Variants in ALDH3A1 observed in about 807,000 individuals in gnomAD.
ALDH3A1 encodes aldehyde dehydrogenase 3 family member A1.
ALDH3A1 carries 46 observed loss-of-function variants against 49.9 expected under a neutral mutation model. The observed-to-expected ratio is 0.92, with a 90% CI of 0.73 to 1.18. The LOEUF is 1.18. ALDH3A1 is among the 50% of genes most tolerant of loss of function. ALDH3A1 has a pLI of 0.00. For missense variants in ALDH3A1, 592 were observed against 611.8 expected (o/e 0.97, Z 0.34); for synonymous variants, 269 against 253.3 (o/e 1.06, Z -0.59).
rs1187866176 is a variant in ALDH3A1 at position 19,738,408 on chromosome 17, G to T, written c.1262C>A (p.Thr421Asn). Residue 421 changes from threonine (T) to asparagine (N), a missense_variant, in exon 10 of 11, where the codon ACT (threonine) becomes AAT (asparagine). Coordinates refer to ENST00000225740, the MANE Select transcript of ALDH3A1 (RefSeq NM_000691.5). ...GSYHGKKSFE[T>N]FSHRRSCLVR... The stretch of plus-strand genomic sequence containing the variant: ...CAGGCAAGAGCGGCGGTGAGAGAAA[G>T]TCTCGAAGCTCTTCTTGCCATGGTA... 1.2e-6 allele frequency: 2 copies of T among 1,613,728 alleles called. No individual in the cohort carries two copies. The highest frequency in any genetic ancestry group is 1.7e-6 in the Non-Finnish European group (2 of 1,179,790).
intron 1 of ALDH3A1, chr17:19,745,644 G>GGCAC (rs2086586269): frequency 6.6e-6 from 1 of 152,622 alleles, no homozygotes; most frequent in African/African-American, 2.4e-5. Context: ...AACCAGGCTT[G>GGCAC]GTGTGTAAAC....
rs367780076 is a variant in ALDH3A1 at position 19,741,080 on chromosome 17, G to A, written c.807+13C>T. ...AGCCTCTCATCCCACCCTGCCAAGGGGTCAACACTCACTTTCAGTGACTTC... is the reference window on the plus strand; with the variant it reads ...AGCCTCTCATCCCACCCTGCCAAGGAGTCAACACTCACTTTCAGTGACTTC... On this transcript the variant is annotated intron_variant, in intron 6 of 10. Transcript: ENST00000225740. 6 of 1,605,908 alleles carry A rather than the reference G, an allele frequency of 3.7e-6. No homozygotes were observed. Among genetic ancestry groups the A allele is most frequent in the Non-Finnish European group, 5.1e-6 (6 of 1,172,600 alleles).
At chr17:19,741,669 G>A (rs1335095905) in intron 5 of ALDH3A1, among the ~76,000 whole-genome samples, 2 of 152,116 alleles carry the variant, frequency 1.3e-5, no homozygotes, top group Admixed American at 6.6e-5. Context: ...CCCATCAGAG[G>A]GCTGAACCCA....
At chr17:19,747,395 C>G (rs2086614606) in intron 1 of ALDH3A1, among the ~76,000 whole-genome samples, 1 of 152,190 alleles carries the variant, frequency 6.6e-6, no homozygotes, top group Admixed American at 6.5e-5. Context: ...GGCCAGGCCC[C>G]TCCTGCTGAC....
At chr17:19,745,615 T>G in intron 1 of ALDH3A1, 2 of 152,972 alleles carry the variant, frequency 1.3e-5, no homozygotes, top group Non-Finnish European at 1.5e-5. Context: ...TAAAAAGCGC[T>G]GGTTTCTTGG....
At chr17:19,744,834 T>C in intron 2 of ALDH3A1, 134 bp downstream of exon 2, 5 of 1,345,920 alleles carry the variant, frequency 3.7e-6, no homozygotes, top group African/African-American at 1.6e-5. Flanking sequence ...GTGCGCCCAG[T>C]CTCCGCGACC....
intron 1 of ALDH3A1, among the ~76,000 whole-genome samples, chr17:19,747,415 G>A (rs2086614806): frequency 6.6e-6 from 1 of 152,156 alleles, no homozygotes; most frequent in Non-Finnish European, 1.5e-5. Flanking sequence ...CCACAACCCA[G>A]GAGAGAAGGT....
At chr17:19,742,741 G>A (rs1213258861) in intron 3 of ALDH3A1, 111 bp from the exon 4 acceptor site, 1 of 1,572,504 alleles carries the variant, frequency 6.4e-7, no homozygotes, top group African/African-American at 1.4e-5. Flanking sequence ...CGGGACAGTG[G>A]ATGGAAGAGT....
chr17:19,741,899 G>T (rs2086498804), intron 5 of ALDH3A1, 105 bp downstream of exon 5: 2 of 1,122,838 alleles, frequency 1.8e-6, no homozygotes, highest in African/African-American at 3.1e-5. Flanking sequence ...CATGAGGCAG[G>T]GGGTGTCTGT....
chr17:19,746,662 T>C (rs1430221045), intron 1 of ALDH3A1, among the ~76,000 whole-genome samples: 2 of 145,214 alleles, frequency 1.4e-5, no homozygotes, highest in Non-Finnish European at 3.0e-5. Flanking sequence ...TGCATGTGTG[T>C]GTGTGCGTGT....
At chr17:19,740,285 G>A (rs2086465856) in intron 7 of ALDH3A1, 51 bp downstream of exon 7, 1 of 1,597,220 alleles carries the variant, frequency 6.3e-7, no homozygotes, top group Non-Finnish European at 8.5e-7. Context: ...GAACTTGCTG[G>A]GGACCCCTGC....
At chr17:19,746,280 T>C (rs2086593593) in intron 1 of ALDH3A1, among the ~76,000 whole-genome samples, 1 of 152,070 alleles carries the variant, frequency 6.6e-6, no homozygotes, top group South Asian at 2.1e-4. Flanking sequence ...TCCCAGCTAC[T>C]TGGGAGGCTG....
chr17:19,744,734 C>T, intron 2 of ALDH3A1: 4 of 1,355,376 alleles, frequency 3.0e-6, no homozygotes, highest in Non-Finnish European at 9.4e-7. Context: ...GGGGACGCTG[C>T]GGGCGGGACG....
At chr17:19,739,247 C>T (rs189475952) in intron 8 of ALDH3A1, 152 bp from the exon 9 acceptor site, 33 of 813,410 alleles carry the variant, frequency 4.1e-5, no homozygotes, top group Non-Finnish European at 5.3e-5. Context: ...TCCTGCAGAC[C>T]GCGTGGCTGT....
rs2086453819 is a variant in ALDH3A1, at chr17:19,739,627, C to T, written c.997G>A (p.Glu333Lys). Reference sequence around the variant, plus strand: ...GGCAGCACAGGCCCGAAGATCTCCTCTTGCATCACCGGGGACTGGGGGTCC... The same window carrying T: ...GGCAGCACAGGCCCGAAGATCTCCTTTTGCATCACCGGGGACTGGGGGTCC... The part of the protein sequence containing the change: ...DVDPQSPVMQ[E>K]EIFGPVLPIV... Residue 333 changes from glutamate (E) to lysine (K), a missense_variant, in exon 8 of 11, where the codon GAG becomes AAG. Coordinates refer to ENST00000225740, the MANE Select transcript of ALDH3A1 (RefSeq NM_000691.5). The T allele has an allele frequency of 1.2e-6, 2 of 1,614,016 alleles. No individual in the cohort carries two copies. Among genetic ancestry groups the T allele is most frequent in the African/African-American group, 1.3e-5 (1 of 75,058 alleles).
intron 7 of ALDH3A1, 39 bp from the exon 8 acceptor site, chr17:19,739,713 A>AC: frequency 6.2e-7 from 1 of 1,604,568 alleles, no homozygotes; most frequent in East Asian, 2.2e-5. Flanking sequence ...CGGCGCAGAG[A>AC]CCCCCACGCG....
At chr17:19,746,795 G>A (rs2086607535) in intron 1 of ALDH3A1, among the ~76,000 whole-genome samples, 2 of 152,162 alleles carry the variant, frequency 1.3e-5, no homozygotes, top group African/African-American at 2.4e-5. Flanking sequence ...GGTAGCCCCC[G>A]ACACGATGAG....
At chr17:19,742,456 C>A in intron 4 of ALDH3A1, 89 bp downstream of exon 4, 1 of 1,447,574 alleles carries the variant, frequency 6.9e-7, no homozygotes. Context: ...CCCCTTGCTG[C>A]AAGAATTCAC....
At chr17:19,742,870 G>C (rs1448901228) in intron 3 of ALDH3A1, 2 of 1,531,232 alleles carry the variant, frequency 1.3e-6, no homozygotes, top group Non-Finnish European at 8.7e-7. Flanking sequence ...CTGAGTTGCT[G>C]AGATGTTGGA....
Sources: gnomAD v4.1 joint callset for allele counts (sites outside exome capture counted in the v4.1 genomes callset) on GRCh38, gnomAD v4.1.1 for gene constraint, MANE v1.5 for transcripts, NCBI Gene and HGNC (gene_info 2026-07-23, HGNC 2026-07-21) for gene names.